Variants in TLN2 observed in about 807,000 individuals in gnomAD.
The protein encoded by TLN2 is talin-2.
In TLN2, 118 loss-of-function variants were observed where a neutral mutation model predicts 294.7. The ratio of observed to expected loss-of-function variants is 0.40; its 90% CI spans 0.34 to 0.47. TLN2 has a LOEUF of 0.47. Among genes scored for constraint, TLN2 ranks in the 20% least tolerant of loss-of-function variants. The pLI, the probability that TLN2 is intolerant of heterozygous loss-of-function variation, is 0.84. For synonymous variants in TLN2, 1,431 were observed against 1,304.5 expected, an observed-to-expected ratio of 1.10 and a Z score of -2.09; for missense variants, 3,083 against 3,282.2, an observed-to-expected ratio of 0.94 and a Z score of 1.48.
chr15:62,435,283 A>G (rs902104608), intron 1 of TLN2, among the ~76,000 whole-genome samples: 61 of 152,208 alleles, frequency 4.0e-4, no homozygotes, highest in Non-Finnish European at 2.6e-4. Flanking sequence ...CATATACTCA[A>G]TAATGGGATT....
chr15:62,442,408 C>T (rs12911801), intron 1 of TLN2, among the ~76,000 whole-genome samples: 56,143 of 148,350 alleles, frequency 0.38, 10,755 homozygotes, highest in Middle Eastern at 0.56. Flanking sequence ...GTAAGAGAAT[C>T]GCTTGAACCT....
intron 1 of TLN2, among the ~76,000 whole-genome samples, chr15:62,549,198 G>A (rs1303153506): frequency 6.6e-6 from 1 of 152,160 alleles, no homozygotes; most frequent in Non-Finnish European, 1.5e-5. Flanking sequence ...CTCCCTGAGA[G>A]CCATACTCCA....
At chr15:62,737,380 G>A (rs1353075038) in intron 29 of TLN2, among the ~76,000 whole-genome samples, 1 of 152,162 alleles carries the variant, frequency 6.6e-6, no homozygotes, top group East Asian at 1.9e-4. Context: ...TGCTTGTTTT[G>A]GGCCTATGTG....
intron 12 of TLN2, among the ~76,000 whole-genome samples, chr15:62,690,906 C>T (rs753001479): frequency 0.01 from 1,538 of 150,554 alleles, 28 homozygotes; most frequent in African/African-American, 0.036. Flanking sequence ...CGCAGGCACT[C>T]GGCAGGCTGA....
chr15:62,710,472 A>G (rs1177034435), intron 21 of TLN2, among the ~76,000 whole-genome samples: 2 of 152,140 alleles, frequency 1.3e-5, no homozygotes, highest in Non-Finnish European at 2.9e-5. Context: ...TGCTTCACAC[A>G]TTTGAATTTG....
In TLN2 at chr15:62,627,862, A is replaced by G. The variant is rs115884573; in HGVS notation, c.-37+9387A>G. 8.9e-3 allele frequency among the ~76,000 whole-genome samples: 1,355 copies of G among 152,024 alleles called. 15 individuals carry two copies. Among genetic ancestry groups the G allele is most frequent in the African/African-American group, 0.03 (1,233 of 41,468 alleles). ...ATTTTGGGCTCGTTTTACTCTCTTA[A>G]TTCTTTCCAGGTGGGGCTCATGTTC... On this transcript the variant is annotated intron_variant, in intron 3 of 58. Transcript: ENST00000636159.
At chr15:62,429,437 C>T (rs753857911) in intron 1 of TLN2, among the ~76,000 whole-genome samples, 2 of 152,170 alleles carry the variant, frequency 1.3e-5, no homozygotes, top group Non-Finnish European at 2.9e-5. Context: ...ATTGTGGTTT[C>T]TAGCTGGTGA....
intron 48 of TLN2, 73 bp from the exon 49 acceptor site, chr15:62,800,295 G>C: frequency 1.3e-6 from 2 of 1,568,784 alleles, no homozygotes; most frequent in Non-Finnish European, 1.7e-6. Flanking sequence ...CCTGCCCTCA[G>C]GCTGCATGCC....
intron 47 of TLN2, 81 bp downstream of exon 47, chr15:62,796,374 G>C: frequency 6.8e-7 from 1 of 1,477,020 alleles, no homozygotes; most frequent in Non-Finnish European, 9.1e-7. Flanking sequence ...CGCCACCTGG[G>C]AGCCAGAAAT....
In TLN2 at chr15:62,697,768, C is replaced by G; in HGVS notation, c.1373C>G (p.Ser458Trp). 2 of 1,612,558 alleles carry G rather than the reference C, an allele frequency of 1.2e-6. No homozygotes were observed. The highest frequency in any genetic ancestry group is 1.7e-5 in the Admixed American group (1 of 59,918). Residue 458 changes from serine to tryptophan, a missense_variant, in exon 15 of 59, where the codon TCG becomes TGG. Physicochemically the swap from Ser to Trp is radical, Grantham distance 177 (BLOSUM62 -3). Transcript: ENST00000636159. Reference protein sequence around the residue: ...GSVALPAVMRSGSSGPETFNV... With the variant: ...GSVALPAVMRWGSSGPETFNV... ...GTGGCGCTGCCGGCCGTGATGCGCTCGGGCTCCAGCGGGCCTGAGACCTTC... is the reference window on the plus strand; with the variant it reads ...GTGGCGCTGCCGGCCGTGATGCGCTGGGGCTCCAGCGGGCCTGAGACCTTC...
chr15:62,446,154 C>T (rs1471008163), intron 1 of TLN2, among the ~76,000 whole-genome samples: 12 of 152,084 alleles, frequency 7.9e-5, no homozygotes, highest in Middle Eastern at 6.8e-3. Flanking sequence ...CTACAGGCGC[C>T]CGCCACCACG....
intron 44 of TLN2, 29 bp downstream of exon 44, chr15:62,781,270 C>G: frequency 6.4e-7 from 1 of 1,573,534 alleles, no homozygotes. Flanking sequence ...GCCCTCCCCA[C>G]TGTTGTTTGC....
intron 22 of TLN2, among the ~76,000 whole-genome samples, chr15:62,715,262 C>T (rs1287236895): frequency 6.6e-6 from 1 of 152,140 alleles, no homozygotes; most frequent in Non-Finnish European, 1.5e-5. Flanking sequence ...GCAAATTGGC[C>T]ACTTGGAAAT....
At position 62,712,010 on chromosome 15, in the gene TLN2, C is replaced by T. The variant is rs2059458121; in HGVS notation, c.2567C>T (p.Ser856Leu). ...DAEAEIDMENSKKLLAAAKLL... is the reference protein window; with the variant it reads ...DAEAEIDMENLKKLLAAAKLL... ...GAAGCCGAAATCGACATGGAGAATTCAAAGAAGCTCCTGGCAGCAGCAAAA... is the reference window on the plus strand; with the variant it reads ...GAAGCCGAAATCGACATGGAGAATTTAAAGAAGCTCCTGGCAGCAGCAAAA... Residue 856 changes from serine to leucine, a missense_variant, in exon 22 of 59, where the codon TCA (serine) becomes TTA (leucine). Coordinates refer to ENST00000636159, the MANE Select transcript of TLN2 (RefSeq NM_015059.3). 1.2e-6 allele frequency: 2 copies of T among 1,614,180 alleles called. No individual in the cohort carries two copies. Among genetic ancestry groups the T allele is most frequent in the South Asian group, 2.2e-5 (2 of 91,068 alleles).
intron 1 of TLN2, among the ~76,000 whole-genome samples, chr15:62,557,945 C>T (rs1347940211): frequency 2.0e-5 from 3 of 152,176 alleles, no homozygotes; most frequent in Non-Finnish European, 2.9e-5. Context: ...TCTTGGAGCC[C>T]TGTGTTCTGC....
intron 17 of TLN2, 41 bp from the exon 18 acceptor site, chr15:62,701,951 A>C: frequency 6.2e-7 from 1 of 1,607,858 alleles, no homozygotes; most frequent in East Asian, 2.2e-5. Flanking sequence ...CACCAGAACC[A>C]TGTGCCCTCC....
intron 1 of TLN2, among the ~76,000 whole-genome samples, chr15:62,557,445 A>G (rs747864345): frequency 1.5e-4 from 23 of 152,260 alleles, no homozygotes; most frequent in Non-Finnish European, 3.4e-4. Context: ...GGACTCTGGC[A>G]CTTTTACATG....
intron 54 of TLN2, chr15:62,828,610 T>A (rs968711945): frequency 2.0e-5 from 3 of 152,192 alleles, no homozygotes; most frequent in Non-Finnish European, 2.9e-5. Flanking sequence ...GAGTGTACAA[T>A]TAACAACTCA....
intron 1 of TLN2, among the ~76,000 whole-genome samples, chr15:62,449,261 G>A (rs2140317548): frequency 6.6e-6 from 1 of 152,250 alleles, no homozygotes; most frequent in East Asian, 1.9e-4. Context: ...ATTCCTCCAT[G>A]CGTAGGTCTT....
Sources: gnomAD v4.1 joint callset for allele counts (sites outside exome capture counted in the v4.1 genomes callset) on GRCh38, gnomAD v4.1.1 for gene constraint, MANE v1.5 for transcripts, NCBI Gene and HGNC (gene_info 2026-07-23, HGNC 2026-07-21) for gene names.